The following LMCD1 variants were observed in gnomAD, a reference collection of about 807,000 sequenced individuals.
LMCD1 encodes LIM and cysteine-rich domains protein 1.
A neutral mutation model predicts 42.7 loss-of-function variants in LMCD1; 32 were observed. That is an observed-to-expected ratio of 0.75 (90% confidence interval 0.57 to 1.01). The LOEUF (loss-of-function observed/expected upper bound fraction) is 1.01, where lower values mean the gene tolerates loss of function less well. Among genes scored for constraint, LMCD1 ranks in the 50% least tolerant of loss-of-function variants. The pLI, the probability that LMCD1 is intolerant of heterozygous loss-of-function variation, is 0.00. For missense variants in LMCD1, 458 were observed against 483.1 expected (o/e 0.95, Z 0.49); for synonymous variants, 178 against 184.9 (o/e 0.96, Z 0.30).
At chr3:8,560,031 T>G (rs940743236) in intron 4 of LMCD1, among the ~76,000 whole-genome samples, 18 of 152,118 alleles carry the variant, frequency 1.2e-4, no homozygotes, top group African/African-American at 4.3e-4. Context: ...AACAAGAATT[T>G]TCCTTCCTTC....
At chr3:8,506,190 G>C (rs1158390162) in intron 1 of LMCD1, among the ~76,000 whole-genome samples, 1 of 152,202 alleles carries the variant, frequency 6.6e-6, no homozygotes, top group East Asian at 1.9e-4. Flanking sequence ...CACTGTGGTA[G>C]TGGGAGGCAG....
In LMCD1 at chr3:8,568,670, T is replaced by A. The variant is rs935488528; in HGVS notation, c.*1072T>A. ...TGTTGCCAACTAAACATTGAATGAG[T>A]CACGTAGAATAGGTCTTTGGGCCAA... On this transcript the variant is annotated 3_prime_UTR_variant, in exon 6 of 6. Transcript: ENST00000157600. The A allele has an allele frequency of 1.3e-5, 2 of 152,222 alleles. No homozygotes were observed. Among genetic ancestry groups the A allele is most frequent in the Non-Finnish European group, 2.9e-5 (2 of 68,036 alleles). The allele number at this position is 152,222 out of a possible 1,614,324, so 9.4% of individuals were successfully genotyped here.
intron 3 of LMCD1, among the ~76,000 whole-genome samples, chr3:8,539,361 C>T (rs1331916416): frequency 6.6e-6 from 1 of 152,170 alleles, no homozygotes; most frequent in Non-Finnish European, 1.5e-5. Context: ...AGTTGTTTTA[C>T]ATGTAAGGAA....
intron 1 of LMCD1, among the ~76,000 whole-genome samples, chr3:8,509,915 A>ATTG (rs1449433971): frequency 2.0e-5 from 3 of 152,246 alleles, no homozygotes; most frequent in Admixed American, 2.0e-4. Context: ...AGGTCCCACC[A>ATTG]GCAGCCAGTG....
chr3:8,541,269 G>T (rs968730226), intron 3 of LMCD1, among the ~76,000 whole-genome samples: 1 of 152,170 alleles, frequency 6.6e-6, no homozygotes, highest in African/African-American at 2.4e-5. Flanking sequence ...TCCTCAGGGG[G>T]CCAGGTGCAG....
At chr3:8,558,204 G>A (rs975670482) in intron 4 of LMCD1, among the ~76,000 whole-genome samples, 5 of 152,222 alleles carry the variant, frequency 3.3e-5, no homozygotes, top group Non-Finnish European at 7.3e-5. Context: ...TTCTATGTTG[G>A]TTGGAAGGGT....
chr3:8,552,095 A>G (rs1213998832), intron 4 of LMCD1, among the ~76,000 whole-genome samples: 4 of 152,162 alleles, frequency 2.6e-5, no homozygotes, highest in African/African-American at 9.7e-5. Context: ...TATCATCTTA[A>G]TCGTGTTCGT....
At chr3:8,543,327 C>T (rs1694664409) in intron 3 of LMCD1, among the ~76,000 whole-genome samples, 1 of 152,040 alleles carries the variant, frequency 6.6e-6, no homozygotes, top group South Asian at 2.1e-4. Context: ...GAAGCCCCAA[C>T]CCTGGGGTAT....
rs1457245421 is a variant in LMCD1, at chr3:8,557,652, C to A, written c.724-7780C>A. Among the ~76,000 whole-genome samples the A allele has an allele frequency of 2.0e-5, 3 of 152,342 alleles. No individual in the cohort carries two copies. In the South Asian group the frequency reaches 6.2e-4, roughly 32 times the overall value. The stretch of plus-strand genomic sequence containing the variant: ...GCCATTGTCCCGAGTCTGCTGTTGC[C>A]TAAAACACTTTGTGTCTTGGTTACT... On this transcript the variant is annotated intron_variant, in intron 4 of 5. Coordinates refer to ENST00000157600, the MANE Select transcript of LMCD1 (RefSeq NM_014583.4).
chr3:8,550,225 G>C, intron 4 of LMCD1: 2 of 1,128,596 alleles, frequency 1.8e-6, no homozygotes, highest in Non-Finnish European at 2.2e-6. Flanking sequence ...TGGGTCTAGC[G>C]TGTACTGCGT....
chr3:8,518,064 C>A (rs1383586188), intron 1 of LMCD1, among the ~76,000 whole-genome samples: 1 of 150,526 alleles, frequency 6.6e-6, no homozygotes. Flanking sequence ...AAAAAAAAAA[C>A]AAGGTTCAGA....
rs141096548 is a variant in LMCD1 at position 8,529,451 on chromosome 3, G to A, written c.43-3286G>A. On this transcript the variant is annotated intron_variant, in intron 1 of 5. Coordinates refer to ENST00000157600, the MANE Select transcript of LMCD1 (RefSeq NM_014583.4). ...TTCCTGAACCTCCATTTAGTTTAGC[G>A]TTCTTGCCCAACTAGGCCAGTCGCC... 3.1e-4 allele frequency among the ~76,000 whole-genome samples: 41 copies of A among 130,792 alleles called. 2 individuals are homozygous for A. The East Asian group carries it at 7.6e-3, about 24-fold the overall frequency. 85.8% of individuals were successfully genotyped at this position (130,792 alleles called of 152,430 possible). A position where few individuals can be genotyped will look rare whatever the true frequency, so the allele number is the denominator to read the frequency against.
intron 1 of LMCD1, among the ~76,000 whole-genome samples, chr3:8,502,303 T>A (rs763161826): frequency 5.7e-4 from 13 of 22,634 alleles, no homozygotes; most frequent in Non-Finnish European, 9.7e-4. Flanking sequence ...ATATTATATA[T>A]AATATATAAA....
intron 3 of LMCD1, 124 bp from the exon 4 acceptor site, chr3:8,548,444 C>T: frequency 1.8e-6 from 1 of 562,116 alleles, no homozygotes; most frequent in Non-Finnish European, 2.9e-6. Flanking sequence ...GACTGTGGGT[C>T]TTTCAGTTGC....
intron 1 of LMCD1, among the ~76,000 whole-genome samples, chr3:8,516,963 T>G (rs895621765): frequency 6.6e-6 from 1 of 152,232 alleles, no homozygotes; most frequent in African/African-American, 2.4e-5. Flanking sequence ...ACAGGCCAGG[T>G]GCCAGGCATT....
chr3:8,527,495 A>T (rs1694323034), intron 1 of LMCD1, among the ~76,000 whole-genome samples: 1 of 152,134 alleles, frequency 6.6e-6, no homozygotes, highest in Non-Finnish European at 1.5e-5. Context: ...TCAGGGTCAT[A>T]TTTTTAAATA....
At chr3:8,536,175 T>A (rs1694504164) in intron 2 of LMCD1, among the ~76,000 whole-genome samples, 1 of 152,172 alleles carries the variant, frequency 6.6e-6, no homozygotes, top group Non-Finnish European at 1.5e-5. Context: ...TTGCTGGGCC[T>A]CCCTCATCCC....
intron 3 of LMCD1, among the ~76,000 whole-genome samples, chr3:8,540,320 T>C (rs1310598212): frequency 6.6e-6 from 1 of 152,204 alleles, no homozygotes; most frequent in Non-Finnish European, 1.5e-5. Context: ...ATAAGCCTAA[T>C]TGTGGATATT....
intron 2 of LMCD1, among the ~76,000 whole-genome samples, chr3:8,534,677 C>T (rs939309679): frequency 2.0e-5 from 3 of 152,156 alleles, no homozygotes; most frequent in African/African-American, 7.2e-5. Flanking sequence ...TAGGAAAGCC[C>T]TTCAACTAAT....
Sources: gnomAD v4.1 joint callset for allele counts (sites outside exome capture counted in the v4.1 genomes callset) on GRCh38, gnomAD v4.1.1 for gene constraint, MANE v1.5 for transcripts, NCBI Gene and HGNC (gene_info 2026-07-23, HGNC 2026-07-21) for gene names.